CORIN: variants seen among roughly 807,000 people sequenced by gnomAD.
The protein encoded by CORIN is atrial natriuretic peptide-converting enzyme.
Under a neutral mutation model 125.3 loss-of-function variants are expected in CORIN, and 117 were observed. That is an observed-to-expected ratio of 0.93 (90% CI 0.80 to 1.09). The LOEUF (loss-of-function observed/expected upper bound fraction) is 1.09, where lower values mean the gene tolerates loss of function less well. Among genes scored for constraint, CORIN ranks in the 50% least tolerant of loss-of-function variants. The pLI, the probability that CORIN is intolerant of heterozygous loss-of-function variation, is 0.00. For missense variants in CORIN, 1,253 were observed against 1,306.7 expected (o/e 0.96, Z 0.63); for synonymous variants, 450 against 466.4 (o/e 0.96, Z 0.45).
chr4:47,795,651 C>A (rs1359185102), intron 2 of CORIN, among the ~76,000 whole-genome samples: 2 of 151,198 alleles, frequency 1.3e-5, no homozygotes, highest in Admixed American at 6.6e-5. Context: ...AAACAATCAA[C>A]AGAGGTTGAG....
intron 14 of CORIN, among the ~76,000 whole-genome samples, chr4:47,643,457 T>G (rs1723323791): frequency 6.6e-6 from 1 of 152,178 alleles, no homozygotes. Context: ...CAAAGAGCAT[T>G]TAAACAGAAT....
intron 1 of CORIN, chr4:47,831,287 T>G: frequency 6.6e-6 from 1 of 152,324 alleles, no homozygotes; most frequent in East Asian, 1.9e-4. Context: ...TCGGGACAAC[T>G]GCCAGCAGGC....
In CORIN at chr4:47,738,561, A is replaced by T. The variant is rs184180492; in HGVS notation, c.799+5841T>A. Among the ~76,000 whole-genome samples, 3 of 152,320 alleles carry T rather than the reference A, an allele frequency of 2.0e-5. No homozygotes were observed. The East Asian group carries it at 5.8e-4, about 29-fold the overall frequency. Reference sequence around the variant, plus strand: ...ATAACAATAATTAAAGCAACAAGAAACAGAAACAGCAACTAATGTTGGGGG... The same window carrying T: ...ATAACAATAATTAAAGCAACAAGAATCAGAAACAGCAACTAATGTTGGGGG... On this transcript the variant is annotated intron_variant, in intron 5 of 21. Coordinates refer to ENST00000273857, the MANE Select transcript of CORIN (RefSeq NM_006587.4).
At chr4:47,789,135 A>T (rs935895115) in intron 2 of CORIN, among the ~76,000 whole-genome samples, 3 of 151,780 alleles carry the variant, frequency 2.0e-5, no homozygotes, top group African/African-American at 7.3e-5. Flanking sequence ...CCCCGTCTCT[A>T]CTAAAAATAC....
chr4:47,823,676 C>G (rs1196845111), intron 1 of CORIN, among the ~76,000 whole-genome samples: 1 of 152,210 alleles, frequency 6.6e-6, no homozygotes. Context: ...ACTTTCTATA[C>G]TTTTAACCCC....
At chr4:47,762,127 T>C (rs1459101734) in intron 4 of CORIN, among the ~76,000 whole-genome samples, 1 of 152,160 alleles carries the variant, frequency 6.6e-6, no homozygotes, top group Non-Finnish European at 1.5e-5. Flanking sequence ...TGTATGTATA[T>C]GTGTATGTGT....
chr4:47,690,941 T>C (rs532949229), intron 6 of CORIN, among the ~76,000 whole-genome samples: 1 of 152,364 alleles, frequency 6.6e-6, no homozygotes, highest in East Asian at 1.9e-4. Context: ...ACAGAAGTTT[T>C]CTGAAGGGAT....
At chr4:47,651,381 A>G (rs1471470565) in intron 13 of CORIN, among the ~76,000 whole-genome samples, 1 of 152,244 alleles carries the variant, frequency 6.6e-6, no homozygotes, top group East Asian at 1.9e-4. Context: ...ACATACGAAA[A>G]CAGAAAGACA....
Position 47,641,910 on chromosome 4 carries a change from C to T in CORIN, c.2198+10G>A, listed in dbSNP as rs1723243789. The T allele has an allele frequency of 6.2e-7, 1 of 1,612,344 alleles. No homozygotes were observed. The highest frequency in any genetic ancestry group is 8.5e-7 in the Non-Finnish European group (1 of 1,178,924). On this transcript the variant is annotated intron_variant, in intron 16 of 21. Transcript: ENST00000273857. The stretch of plus-strand genomic sequence containing the variant: ...AGAAATTCATCAGTGCTACAAACTA[C>T]TGACCTTACCCTAAACCCATCTGCT...
intron 1 of CORIN, among the ~76,000 whole-genome samples, chr4:47,835,040 C>T (rs1221855432): frequency 1.3e-5 from 2 of 152,196 alleles, no homozygotes; most frequent in African/African-American, 2.4e-5. Context: ...ATCTACAGCA[C>T]CTTCTACTCT....
intron 2 of CORIN, among the ~76,000 whole-genome samples, chr4:47,789,811 G>A (rs1219472082): frequency 6.6e-6 from 1 of 152,104 alleles, no homozygotes; most frequent in African/African-American, 2.4e-5. Flanking sequence ...ATGAGGTCAG[G>A]AAATAGAGAC....
chr4:47,836,213 C>G (rs1733398519), intron 1 of CORIN, among the ~76,000 whole-genome samples: 1 of 152,164 alleles, frequency 6.6e-6, no homozygotes, highest in African/African-American at 2.4e-5. Flanking sequence ...TCTAACCTCT[C>G]AAGTCCCAGG....
chr4:47,673,308 G>A (rs1206810775), intron 10 of CORIN, among the ~76,000 whole-genome samples: 3 of 151,584 alleles, frequency 2.0e-5, no homozygotes, highest in Non-Finnish European at 2.9e-5. Context: ...CCTGGGAGGC[G>A]GAGGTTGCAG....
At chr4:47,666,722 G>A (rs1187281991) in intron 10 of CORIN, among the ~76,000 whole-genome samples, 2 of 152,284 alleles carry the variant, frequency 1.3e-5, no homozygotes, top group Non-Finnish European at 1.5e-5. Flanking sequence ...GTGAGGAAAC[G>A]CAAGAGGGCA....
intron 1 of CORIN, among the ~76,000 whole-genome samples, chr4:47,811,411 A>G (rs149472330): frequency 6.6e-6 from 1 of 152,218 alleles, no homozygotes; most frequent in Non-Finnish European, 1.5e-5. Context: ...TTTCAAGTAC[A>G]TAAGTCTTTA....
chr4:47,754,228 C>T (rs547091087), intron 4 of CORIN, among the ~76,000 whole-genome samples: 1 of 152,158 alleles, frequency 6.6e-6, no homozygotes, highest in African/African-American at 2.4e-5. Flanking sequence ...AAAATGAAAC[C>T]TCATCTATCA....
chr4:47,625,122 T>C (rs61759681), intron 17 of CORIN, among the ~76,000 whole-genome samples: 23,038 of 152,148 alleles, frequency 0.15, 2,341 homozygotes, highest in South Asian at 0.26. Flanking sequence ...AAAATTATTT[T>C]TACTAATTTA....
intron 5 of CORIN, among the ~76,000 whole-genome samples, chr4:47,709,169 T>C (rs1283502152): frequency 6.6e-6 from 1 of 151,366 alleles, no homozygotes; most frequent in Non-Finnish European, 1.5e-5. Flanking sequence ...AGATGTCATA[T>C]TGTTCTGCAG....
intron 5 of CORIN, among the ~76,000 whole-genome samples, chr4:47,700,903 T>A (rs1726261841): frequency 6.6e-6 from 1 of 152,238 alleles, no homozygotes; most frequent in Admixed American, 6.5e-5. Flanking sequence ...TCAATGCTGC[T>A]TTCCCTTTCC....
Sources: allele counts gnomAD v4.1 joint callset (sites outside exome capture counted in the v4.1 genomes callset), GRCh38; gene constraint gnomAD v4.1.1; transcripts MANE v1.5; gene names NCBI Gene and HGNC (gene_info 2026-07-23, HGNC 2026-07-21).